JAG1: variants seen among roughly 807,000 people sequenced by gnomAD.
The protein encoded by JAG1 is jagged canonical Notch ligand 1.
A neutral mutation model predicts 148.7 loss-of-function variants in JAG1; 23 were observed. The observed-to-expected ratio is 0.15, with a 90% CI of 0.11 to 0.22. The LOEUF (loss-of-function observed/expected upper bound fraction) is 0.22. JAG1 is among the 10% of genes least tolerant of loss of function. The pLI is 1.00. For missense variants in JAG1, 1,054 were observed against 1,611.2 expected (o/e 0.65, Z 5.92); for synonymous variants, 572 against 598.3 (o/e 0.96, Z 0.64).
intron 3 of JAG1, 84 bp from the exon 4 acceptor site, chr20:10,658,806 A>T: frequency 7.1e-7 from 1 of 1,413,230 alleles, no homozygotes; most frequent in African/African-American, 1.4e-5. Context: ...ATAAAAACAT[A>T]TGCACCTGCT....
chr20:10,640,150 T>C (rs2067260489), intron 25 of JAG1, among the ~76,000 whole-genome samples, 195 bp from the exon 26 acceptor site: 1 of 152,224 alleles, frequency 6.6e-6, no homozygotes, highest in Non-Finnish European at 1.5e-5. Context: ...CAGGCCCCTG[T>C]AGACCTTGAT....
intron 12 of JAG1, 109 bp downstream of exon 12, chr20:10,648,440 G>T: frequency 1.1e-6 from 1 of 926,816 alleles, no homozygotes. Context: ...GATGTTAATA[G>T]ATGTTAGGAA....
rs112693360 is a variant in JAG1, at chr20:10,658,450, GCA to G, written c.694+16_694+17del. 6.4e-5 allele frequency: 100 copies of G among 1,572,160 alleles called. No individual in the cohort carries two copies. The highest frequency in any genetic ancestry group is 1.7e-4 in the Middle Eastern group (1 of 5,964). Reference sequence around the variant, plus strand: ...AAAAGCAACAGGCACACGTGCACATGCACACACACACACATACCTCTGTTACA... The same window carrying G: ...AAAAGCAACAGGCACACGTGCACATGCACACACACACATACCTCTGTTACA... On this transcript the variant is annotated intron_variant, in intron 4 of 25. Coordinates refer to ENST00000254958, the MANE Select transcript of JAG1 (RefSeq NM_000214.3).
chr20:10,641,432 C>CAA (rs3215563), intron 23 of JAG1, 28 bp downstream of exon 23: 2,621 of 1,502,904 alleles, frequency 1.7e-3, no homozygotes, highest in Non-Finnish European at 2.2e-3. Flanking sequence ...ATCCACCATT[C>CAA]AAAAAAAAAA....
At chr20:10,658,213 A>T (rs1656912840) in intron 4 of JAG1, among the ~76,000 whole-genome samples, 2 of 152,196 alleles carry the variant, frequency 1.3e-5, no homozygotes, top group Admixed American at 1.3e-4. Flanking sequence ...GCCAAGGACG[A>T]GTCTCCTGAG....
chr20:10,658,221 G>C (rs1199632058), intron 4 of JAG1, among the ~76,000 whole-genome samples: 1 of 152,176 alleles, frequency 6.6e-6, no homozygotes, highest in Non-Finnish European at 1.5e-5. Context: ...CGAGTCTCCT[G>C]AGAAGGAGCA....
chr20:10,669,486 G>A (rs552215199), intron 2 of JAG1, among the ~76,000 whole-genome samples: 48 of 131,428 alleles, frequency 3.7e-4, no homozygotes, highest in African/African-American at 1.1e-3. Context: ...CAGGCCTGAA[G>A]CATGAAGGGG....
intron 11 of JAG1, 162 bp from the exon 12 acceptor site, chr20:10,648,884 G>T: frequency 1.1e-6 from 1 of 889,578 alleles, no homozygotes; most frequent in Non-Finnish European, 1.8e-6. Context: ...CTATGTGCAT[G>T]CCTTCAAAAT....
rs537615292 is a variant in JAG1 at position 10,645,671 on chromosome 20, A to G, written c.2000-202T>C. 2 of 640,568 alleles carry G rather than the reference A, an allele frequency of 3.1e-6. No homozygotes were observed. The highest frequency in any genetic ancestry group is 1.8e-5 in the South Asian group (1 of 54,578). 39.7% of individuals were successfully genotyped at this position (640,568 alleles called of 1,614,324 possible). A position where few individuals can be genotyped will look rare whatever the true frequency, so the allele number is the denominator to read the frequency against. ...CTTTGAATGCCACAAGTTAGGCAAG[A>G]TGTGGGGTGGGCCTCTGGAAGTCCC... On this transcript the variant is annotated intron_variant, in intron 15 of 25. Coordinates refer to ENST00000254958, the MANE Select transcript of JAG1 (RefSeq NM_000214.3). This position sits in a 1 kb window ranked among gnomAD's most constrained non-coding sequence, Gnocchi z 6.1.
intron 2 of JAG1, among the ~76,000 whole-genome samples, chr20:10,671,513 T>C (rs1361837878): frequency 6.6e-6 from 1 of 152,012 alleles, no homozygotes; most frequent in Non-Finnish European, 1.5e-5. Flanking sequence ...TAGTCTCCCC[T>C]CTGTCTCCTC....
chr20:10,648,904 G>A (rs2067326815), intron 11 of JAG1, 157 bp downstream of exon 11: 9 of 873,032 alleles, frequency 1.0e-5, no homozygotes, highest in African/African-American at 1.7e-5. Flanking sequence ...TGACTCCCAC[G>A]AGGCTGGGGT....
In JAG1 at chr20:10,639,250, C is replaced by G; in HGVS notation, c.*248G>C. ...GGCTCCTGGGAGCCTGATCCGAGAC[C>G]GTGTCGGCTGCAAGGGGACACACAA... On this transcript the variant is annotated 3_prime_UTR_variant, in exon 26 of 26. Coordinates refer to ENST00000254958, the MANE Select transcript of JAG1 (RefSeq NM_000214.3). The G allele has an allele frequency of 3.7e-6, 2 of 539,998 alleles. No homozygotes were observed. The highest frequency in any genetic ancestry group is 6.8e-6 in the Non-Finnish European group (2 of 294,914). The allele number at this position is 539,998 out of a possible 1,614,324, so 33.5% of individuals were successfully genotyped here.
chr20:10,667,588 A>T (rs2067463586), intron 2 of JAG1, among the ~76,000 whole-genome samples: 1 of 152,206 alleles, frequency 6.6e-6, no homozygotes, highest in Non-Finnish European at 1.5e-5. Context: ...ATAAGAAAGG[A>T]CAACTATCCT....
At position 10,645,259 on chromosome 20, in the gene JAG1, G is replaced by A. The variant is rs1318346955; in HGVS notation, c.2114-3C>T. ...GGCCTCATCACACTGACTGTCACCTGGAGGAAAATATTTCAGTGTGAGTCC... is the reference window on the plus strand; with the variant it reads ...GGCCTCATCACACTGACTGTCACCTAGAGGAAAATATTTCAGTGTGAGTCC... On this transcript the variant is annotated splice_region_variant and splice_polypyrimidine_tract_variant and intron_variant, in intron 16 of 25. Transcript: ENST00000254958. This position sits in a 1 kb window ranked among gnomAD's most constrained non-coding sequence, Gnocchi z 6.1. 3 of 1,612,928 alleles carry A rather than the reference G, an allele frequency of 1.9e-6. No homozygotes were observed. The highest frequency in any genetic ancestry group is 2.5e-6 in the Non-Finnish European group (3 of 1,178,900).
At chr20:10,658,103 A>G (rs1413860147) in intron 4 of JAG1, among the ~76,000 whole-genome samples, 1 of 152,180 alleles carries the variant, frequency 6.6e-6, no homozygotes, top group Non-Finnish European at 1.5e-5. Context: ...CTAGAGTGCA[A>G]ATTGTACTAC....
chr20:10,639,598 G>A lies in JAG1; in HGVS notation c.3557C>T (p.Pro1186Leu). The part of the protein sequence containing the change: ...YTLVDREEKP[P>L]NGTPTKHPNW... ...TGGGTGTTTTGTCGGCGTGCCGTTGGGGGGCTTCTCTTCTCTGTCTACCAG... is the reference window on the plus strand; with the variant it reads ...TGGGTGTTTTGTCGGCGTGCCGTTGAGGGGCTTCTCTTCTCTGTCTACCAG... Residue 1186 changes from proline to leucine, a missense_variant, in exon 26 of 26, where the codon CCC becomes CTC. Physicochemically the swap from Pro to Leu is moderately conservative, Grantham distance 98. Coordinates refer to ENST00000254958, the MANE Select transcript of JAG1 (RefSeq NM_000214.3). 4 of 1,614,180 alleles carry A rather than the reference G, an allele frequency of 2.5e-6. No homozygotes were observed. Among genetic ancestry groups the A allele is most frequent in the Non-Finnish European group, 3.4e-6 (4 of 1,180,024 alleles).
chr20:10,673,333 G>T lies in JAG1; in HGVS notation c.81+117C>A. On this transcript the variant is annotated intron_variant, in intron 1 of 25. Coordinates refer to ENST00000254958, the MANE Select transcript of JAG1 (RefSeq NM_000214.3). The surrounding 1 kb of genome is among the most constrained non-coding windows in gnomAD (Gnocchi z 4.7). ...CCCAGGTGCAGCCGCTCGGGCGCAG[G>T]GGCGAGGAGTCGGGCGCTCGAGGGC... 2 of 798,320 alleles carry T rather than the reference G, an allele frequency of 2.5e-6. No homozygotes were observed. The highest frequency in any genetic ancestry group is 3.9e-6 in the Non-Finnish European group (2 of 512,916). The allele number at this position is 798,320 out of a possible 1,614,324, so 49.5% of individuals were successfully genotyped here. A position where few individuals can be genotyped will look rare whatever the true frequency, so the allele number is the denominator to read the frequency against.
chr20:10,651,758 C>T (rs1325584578), intron 7 of JAG1, 64 bp from the exon 8 acceptor site: 4 of 1,028,812 alleles, frequency 3.9e-6, no homozygotes, highest in South Asian at 2.6e-5. Flanking sequence ...CCACACCCCC[C>T]TCCAACCGAA....
chr20:10,664,193 G>C (rs2067436305), intron 2 of JAG1, among the ~76,000 whole-genome samples, 179 bp from the exon 3 acceptor site: 1 of 152,054 alleles, frequency 6.6e-6, no homozygotes. Context: ...CCCTTCCTTT[G>C]TCAGCACTCT....
Sources: gnomAD v4.1 joint callset for allele counts (sites outside exome capture counted in the v4.1 genomes callset) on GRCh38, gnomAD v4.1.1 for gene constraint, Gnocchi (gnomAD v3.1) non-coding constraint, MANE v1.5 for transcripts, NCBI Gene and HGNC (gene_info 2026-07-23, HGNC 2026-07-21) for gene names.